SLC19A2: variants seen among roughly 807,000 people sequenced by gnomAD.
The protein encoded by SLC19A2 is thiamine transporter 1.
Under a neutral mutation model 44.7 loss-of-function variants are expected in SLC19A2, and 27 were observed. That is an observed-to-expected ratio of 0.60 (90% CI 0.45 to 0.83). SLC19A2 has a LOEUF of 0.83. SLC19A2 is among the 40% of genes least tolerant of loss of function. SLC19A2 has a pLI of 0.00. For missense variants in SLC19A2, 566 were observed against 613.7 expected (o/e 0.92, Z 0.82); for synonymous variants, 239 against 243.6 (o/e 0.98, Z 0.18).
At position 169,470,136 on chromosome 1, in the gene SLC19A2, G is replaced by A. The variant is rs1159098806; in HGVS notation, c.858C>T (p.Phe286=). ...LLVLKVLWND[F]LMCYSSRPLL... ...GAGGGCGAGAGGAGTAGCACATCAG[G>A]AAATCATTCCATAGTACTTTCAATA... Residue 286 remains phenylalanine, a synonymous_variant, in exon 3 of 6, where the codon TTC becomes TTT. Coordinates refer to ENST00000236137, the MANE Select transcript of SLC19A2 (RefSeq NM_006996.3). 1 of 1,614,028 alleles carries A rather than the reference G, an allele frequency of 6.2e-7. No individual in the cohort carries two copies. The highest frequency in any genetic ancestry group is 2.2e-5 in the East Asian group (1 of 44,884).
intron 1 of SLC19A2, among the ~76,000 whole-genome samples, chr1:169,479,496 TA>T (rs1035425050): frequency 1.3e-5 from 2 of 152,230 alleles, no homozygotes; most frequent in Non-Finnish European, 2.9e-5. Flanking sequence ...CCCTTAGCCT[TA>T]ATCTCCATTA....
chr1:169,469,042 A>G (rs952417711), intron 3 of SLC19A2: 6 of 570,352 alleles, frequency 1.1e-5, no homozygotes, highest in African/African-American at 1.9e-5. Context: ...GACAGACTGA[A>G]TTAGGAGAGG....
At chr1:169,473,221 T>C (rs1225942692) in intron 2 of SLC19A2, among the ~76,000 whole-genome samples, 1 of 151,982 alleles carries the variant, frequency 6.6e-6, no homozygotes, top group African/African-American at 2.4e-5. Context: ...GTCAACTAGA[T>C]ATGGGTGGAA....
In SLC19A2 at chr1:169,465,775, T is replaced by C; in HGVS notation, c.*74A>G. ...CACATTCATAAATATATGTCTACGC[T>C]TTAAAAAATCAAACACATCCAGGCA... On this transcript the variant is annotated 3_prime_UTR_variant, in exon 6 of 6. Transcript: ENST00000236137. 1 of 1,538,944 alleles carries C rather than the reference T, an allele frequency of 6.5e-7. No individual in the cohort carries two copies. The highest frequency in any genetic ancestry group is 8.9e-7 in the Non-Finnish European group (1 of 1,118,498).
Position 169,477,156 on chromosome 1 carries a change from G to A in SLC19A2, c.806C>T (p.Pro269Leu), listed in dbSNP as rs370511652. ...CAAGATATTTAAGGCTGAGCTTACC[G>A]GTTCCTCCACGGGAGGCTCCTCCAT... ...LNMEEPPVEE[P>L]EPKPDRLLVL... Residue 269 changes from proline to leucine, a missense_variant and splice_region_variant, in exon 2 of 6, where the codon CCG (proline) becomes CTG (leucine). Transcript: ENST00000236137. 13 of 1,613,348 alleles carry A rather than the reference G, an allele frequency of 8.1e-6. No homozygotes were observed. The highest frequency in any genetic ancestry group is 2.2e-5 in the South Asian group (2 of 91,020).
In SLC19A2 at chr1:169,485,591, C is replaced by T. The variant is rs1413508291; in HGVS notation, c.176G>A (p.Gly59Glu). The T allele has an allele frequency of 2.5e-6, 4 of 1,586,730 alleles. No individual in the cohort carries two copies. The highest frequency in any genetic ancestry group is 3.4e-6 in the Non-Finnish European group (4 of 1,166,788). ...SEPFLTPYLL[G>E]PDKNLTEREV... ...CCTCTCGGTCAGGTTCTTGTCCGGC[C>T]CCAGCAGGTACGGGGTCAGGAAGGG... Residue 59 changes from glycine (G) to glutamate (E), a missense_variant, in exon 1 of 6, where the codon GGG becomes GAG. By Grantham distance (98) the Gly-to-Glu change is moderately conservative. Transcript: ENST00000236137.
chr1:169,475,440 T>G (rs145185459), intron 2 of SLC19A2, among the ~76,000 whole-genome samples: 2,634 of 152,258 alleles, frequency 0.017, 48 homozygotes, highest in Middle Eastern at 0.034. Context: ...AGTTTGAAAC[T>G]GTCTATAAAA....
In SLC19A2 at chr1:169,470,071, C is replaced by T. The variant is rs1310715345; in HGVS notation, c.923G>A (p.Gly308Asp). ...WSVWWALSTC[G>D]YFQVVNYTQG... ...TGTGTAGTTCACAACTTGAAAATAG[C>T]CACAGGTAGAGAGGGCCCACCACAC... is the stretch of plus-strand genomic sequence containing the variant. The change falls in exon 3 of 6, where the codon GGC becomes GAC. Residue 308 changes from glycine to aspartate, a missense_variant. Gly to Asp is a moderately conservative substitution (Grantham distance 94, BLOSUM62 -1). Coordinates refer to ENST00000236137, the MANE Select transcript of SLC19A2 (RefSeq NM_006996.3). 1 of 1,613,968 alleles carries T rather than the reference C, an allele frequency of 6.2e-7. No individual in the cohort carries two copies. Among genetic ancestry groups the T allele is most frequent in the African/African-American group, 1.3e-5 (1 of 74,992 alleles).
chr1:169,472,479 A>G (rs911389770), intron 2 of SLC19A2, among the ~76,000 whole-genome samples: 7 of 152,242 alleles, frequency 4.6e-5, no homozygotes, highest in African/African-American at 1.2e-4. Flanking sequence ...AATGAAAATG[A>G]TAACAATAAA....
At chr1:169,473,383 C>T (rs1212151012) in intron 2 of SLC19A2, among the ~76,000 whole-genome samples, 1 of 151,256 alleles carries the variant, frequency 6.6e-6, no homozygotes, top group Non-Finnish European at 1.5e-5. Context: ...TACAGGCATG[C>T]ACCACCACGC....
chr1:169,465,980 A>G lies in SLC19A2; in HGVS notation c.1366-3T>C. On this transcript the variant is annotated splice_polypyrimidine_tract_variant and splice_region_variant and intron_variant, in intron 5 of 5. Coordinates refer to ENST00000236137, the MANE Select transcript of SLC19A2 (RefSeq NM_006996.3). ...AAATAACTGGCATAGATCAAAAACT[A>G]GAAGGGGGAAAAGCAGTTTATTGAA... 1 of 1,614,046 alleles carries G rather than the reference A, an allele frequency of 6.2e-7. No individual in the cohort carries two copies. Among genetic ancestry groups the G allele is most frequent in the Non-Finnish European group, 8.5e-7 (1 of 1,179,898 alleles).
intron 5 of SLC19A2, 56 bp downstream of exon 5, chr1:169,468,055 C>T (rs1658075319): frequency 6.3e-7 from 1 of 1,580,928 alleles, no homozygotes; most frequent in African/African-American, 1.3e-5. Context: ...ACATATACTT[C>T]TGTCACCCTG....
rs1455540756 is a variant in SLC19A2 at position 169,463,920 on chromosome 1, AAG to A, written c.*1927_*1928del. ...TAAATTTAAAACAATTTTGATTAAA[AAG>A]AGAAAATATACTGTAAAATATTTAT... On this transcript the variant is annotated 3_prime_UTR_variant, in exon 6 of 6. Coordinates refer to ENST00000236137, the MANE Select transcript of SLC19A2 (RefSeq NM_006996.3). 22 of 151,874 alleles carry A rather than the reference AAG, an allele frequency of 1.4e-4. No individual in the cohort carries two copies. Among genetic ancestry groups the A allele is most frequent in the Admixed American group, 9.8e-4 (15 of 15,272 alleles). The allele number at this position is 151,874 out of a possible 1,614,324, so 9.4% of individuals were successfully genotyped here. A position where few individuals can be genotyped will look rare whatever the true frequency, so the allele number is the denominator to read the frequency against.
chr1:169,484,103 A>G (rs1182562119), intron 1 of SLC19A2, among the ~76,000 whole-genome samples: 2 of 152,192 alleles, frequency 1.3e-5, no homozygotes, highest in African/African-American at 2.4e-5. Flanking sequence ...CTGGCAGGTC[A>G]ATAGGGTAAT....
chr1:169,480,581 T>C (rs1236883929), intron 1 of SLC19A2, among the ~76,000 whole-genome samples: 3 of 151,958 alleles, frequency 2.0e-5, no homozygotes, highest in African/African-American at 7.2e-5. Context: ...CAAAGTGCTG[T>C]GAACCACCGC....
chr1:169,470,263 T>C (rs1214048914), intron 2 of SLC19A2, 77 bp from the exon 3 acceptor site: 1 of 1,199,264 alleles, frequency 8.3e-7, no homozygotes, highest in Non-Finnish European at 1.2e-6. Flanking sequence ...GCCCAATTAC[T>C]TACCTAACAG....
chr1:169,465,717 T>C lies in SLC19A2; in HGVS notation c.*132A>G. On this transcript the variant is annotated 3_prime_UTR_variant, in exon 6 of 6. Coordinates refer to ENST00000236137, the MANE Select transcript of SLC19A2 (RefSeq NM_006996.3). ...CATGTTATTCCCGGAACACAAGGTA[T>C]TAGTCAAGTGGCTGCTGTGAAGTCA... 1 of 911,576 alleles carries C rather than the reference T, an allele frequency of 1.1e-6. No homozygotes were observed. The highest frequency in any genetic ancestry group is 1.8e-6 in the Non-Finnish European group (1 of 560,440). 56.5% of individuals were successfully genotyped at this position (911,576 alleles called of 1,614,324 possible).
At chr1:169,477,110 C>G in intron 2 of SLC19A2, 45 bp downstream of exon 2, 1 of 1,610,964 alleles carries the variant, frequency 6.2e-7, no homozygotes, top group Non-Finnish European at 8.5e-7. Flanking sequence ...ACCACGGGTC[C>G]AGCCCCCATA....
Position 169,485,789 on chromosome 1 carries a change from C to T in SLC19A2, c.-23G>A, listed in dbSNP as rs181612338. The T allele has an allele frequency of 1.9e-5, 29 of 1,514,474 alleles. No homozygotes were observed. The highest frequency in any genetic ancestry group is 2.8e-5 in the African/African-American group (2 of 72,098). The allele number at this position is 1,514,474 out of a possible 1,614,324, so 93.8% of individuals were successfully genotyped here. A position where few individuals can be genotyped will look rare whatever the true frequency, so the allele number is the denominator to read the frequency against. ...CATCCGGGGCGCGAGGGGAGGGGAC[C>T]CGGCCCGGCCCCTTCCTTCTCCTCC... On this transcript the variant is annotated 5_prime_UTR_variant, in exon 1 of 6. Coordinates refer to ENST00000236137, the MANE Select transcript of SLC19A2 (RefSeq NM_006996.3).
Sources: gnomAD v4.1 joint callset for allele counts (sites outside exome capture counted in the v4.1 genomes callset) on GRCh38, gnomAD v4.1.1 for gene constraint, MANE v1.5 for transcripts, NCBI Gene and HGNC (gene_info 2026-07-23, HGNC 2026-07-21) for gene names.